AGFG1: variants seen among roughly 807,000 people sequenced by gnomAD.
The protein encoded by AGFG1 is ArfGAP with FG repeats 1.
Under a neutral mutation model 60.6 loss-of-function variants are expected in AGFG1, and 10 were observed. That is an observed-to-expected ratio of 0.16 (90% confidence interval 0.10 to 0.28). The LOEUF (loss-of-function observed/expected upper bound fraction) is 0.28, where lower values mean the gene tolerates loss of function less well. AGFG1 is among the 10% of genes least tolerant of loss of function. The pLI, the probability that AGFG1 is intolerant of heterozygous loss-of-function variation, is 1.00. For synonymous variants in AGFG1, 247 were observed against 242.9 expected (o/e 1.02, Z -0.16); for missense variants, 537 against 676.5 (o/e 0.79, Z 2.29).
intron 2 of AGFG1, among the ~76,000 whole-genome samples, chr2:227,511,540 G>C (rs1171276843): frequency 1.3e-5 from 2 of 152,172 alleles, no homozygotes; most frequent in African/African-American, 4.8e-5. Context: ...ATCCCTGGCT[G>C]TATATGACGT....
At chr2:227,539,009 A>C (rs1424487988) in intron 10 of AGFG1, among the ~76,000 whole-genome samples, 1 of 152,228 alleles carries the variant, frequency 6.6e-6, no homozygotes, top group African/African-American at 2.4e-5. Context: ...GAATTGACCA[A>C]ATCACAAGCA....
At chr2:227,544,757 C>CT (rs1238758617) in intron 10 of AGFG1, among the ~76,000 whole-genome samples, 6 of 151,968 alleles carry the variant, frequency 3.9e-5, no homozygotes, top group Non-Finnish European at 8.8e-5. Flanking sequence ...GTTGAAAATT[C>CT]TTTTTTTTAA....
At position 227,477,358 on chromosome 2, in the gene AGFG1, G is replaced by C. The variant is rs1042663772; in HGVS notation, c.167+4770G>C. 9.2e-5 allele frequency among the ~76,000 whole-genome samples: 14 copies of C among 152,256 alleles called. 1 individual carries two copies. In the South Asian group the frequency reaches 1.9e-3, roughly 20 times the overall value. Reference sequence around the variant, plus strand: ...TGCTAGCTGTGTGACAGACATTCTAGTAACAGTGATGTGAGGAAGGTACTA... The same window carrying C: ...TGCTAGCTGTGTGACAGACATTCTACTAACAGTGATGTGAGGAAGGTACTA... On this transcript the variant is annotated intron_variant, in intron 1 of 12. Transcript: ENST00000310078.
At chr2:227,492,361 G>A (rs116262552) in intron 2 of AGFG1, among the ~76,000 whole-genome samples, 7,860 of 151,962 alleles carry the variant, frequency 0.052, 266 homozygotes, top group African/African-American at 0.1. Context: ...AACCCAAGCT[G>A]ATTAATAATA....
chr2:227,534,635 T>C (rs1692256248), intron 7 of AGFG1, among the ~76,000 whole-genome samples: 1 of 152,212 alleles, frequency 6.6e-6, no homozygotes, highest in Non-Finnish European at 1.5e-5. Flanking sequence ...TTAATTTTTG[T>C]TAAGAGACAT....
chr2:227,550,495 T>C (rs972773054), intron 10 of AGFG1, among the ~76,000 whole-genome samples: 1 of 152,206 alleles, frequency 6.6e-6, no homozygotes, highest in South Asian at 2.1e-4. Context: ...TTTTAAGTGC[T>C]CTCTTAAAGT....
At chr2:227,531,033 G>C (rs142891874) in intron 5 of AGFG1, 58 bp from the exon 6 acceptor site, 1 of 1,455,288 alleles carries the variant, frequency 6.9e-7, no homozygotes, top group African/African-American at 1.4e-5. Context: ...CATGTGTCAT[G>C]TATTTTCATT....
intron 1 of AGFG1, 104 bp downstream of exon 1, chr2:227,472,692 T>TG (rs1450323138): frequency 7.8e-7 from 1 of 1,280,340 alleles, no homozygotes; most frequent in Non-Finnish European, 1.0e-6. Flanking sequence ...CCGGGTGCCG[T>TG]GGGAGGCGGT....
At position 227,555,052 on chromosome 2, in the gene AGFG1, C is replaced by T. The variant is rs566939084; in HGVS notation, c.*557C>T. On this transcript the variant is annotated 3_prime_UTR_variant, in exon 13 of 13. Transcript: ENST00000310078. ...ATTCTTTTAAAATGTAGAGGGATAC[C>T]TGTCTGCATAATAAAGCTGATCATG... is the stretch of plus-strand genomic sequence containing the variant. 4 of 152,540 alleles carry T rather than the reference C, an allele frequency of 2.6e-5. No individual in the cohort carries two copies. The highest frequency in any genetic ancestry group is 9.6e-5 in the African/African-American group (4 of 41,504). The allele number at this position is 152,540 out of a possible 1,614,324, so 9.4% of individuals were successfully genotyped here.
At chr2:227,549,336 C>T (rs1225903306) in intron 10 of AGFG1, among the ~76,000 whole-genome samples, 2 of 152,216 alleles carry the variant, frequency 1.3e-5, no homozygotes, top group East Asian at 1.9e-4. Flanking sequence ...ACACAATCTT[C>T]AGATTGTTAA....
At chr2:227,496,462 A>G (rs1050018403) in intron 2 of AGFG1, among the ~76,000 whole-genome samples, 3 of 152,110 alleles carry the variant, frequency 2.0e-5, no homozygotes, top group African/African-American at 7.2e-5. Context: ...AATAAATAAA[A>G]TAGCCTGCTG....
At chr2:227,517,335 G>A (rs1051880272) in intron 2 of AGFG1, among the ~76,000 whole-genome samples, 10 of 152,110 alleles carry the variant, frequency 6.6e-5, no homozygotes, top group East Asian at 1.9e-4. Context: ...GCGCAATCTC[G>A]GCTCACTGCA....
At chr2:227,485,739 A>C (rs1412401549) in intron 1 of AGFG1, among the ~76,000 whole-genome samples, 1 of 152,098 alleles carries the variant, frequency 6.6e-6, no homozygotes, top group Non-Finnish European at 1.5e-5. Context: ...CCACATTTAT[A>C]ATTTTTCATT....
chr2:227,539,097 GT>G lies in AGFG1; in HGVS notation c.1378+2108del, dbSNP rs376234991. ...TGCACTACGCTTAAGAATTTCCAGT[GT>G]TTTATACCATCAAAGTTAATATTAT... On this transcript the variant is annotated intron_variant, in intron 10 of 12. Coordinates refer to ENST00000310078, the MANE Select transcript of AGFG1 (RefSeq NM_004504.5). Among the ~76,000 whole-genome samples, 324 of 152,242 alleles carry G rather than the reference GT, an allele frequency of 2.1e-3. 2 individuals are homozygous for G. Among genetic ancestry groups the G allele is most frequent in the African/African-American group, 7.4e-3 (306 of 41,546 alleles).
intron 1 of AGFG1, among the ~76,000 whole-genome samples, chr2:227,489,223 GTTTTTTTTTTTTT>G (rs55762248): frequency 4.0e-5 from 3 of 74,782 alleles, no homozygotes; most frequent in Non-Finnish European, 6.9e-5. Context: ...AGTTTTGAGA[GTTTTTTTTTTTTT>G]TTTTTTTTTT....
chr2:227,525,576 C>G (rs922011085), intron 5 of AGFG1, among the ~76,000 whole-genome samples: 1 of 152,210 alleles, frequency 6.6e-6, no homozygotes, highest in African/African-American at 2.4e-5. Flanking sequence ...TCTCTTAGTT[C>G]ATAAGATTTT....
chr2:227,543,003 C>A (rs975940122), intron 10 of AGFG1, among the ~76,000 whole-genome samples: 1 of 151,962 alleles, frequency 6.6e-6, no homozygotes, highest in Non-Finnish European at 1.5e-5. Flanking sequence ...AGTGGTGATA[C>A]CCCCTTTATC....
chr2:227,487,795 A>G (rs767765991), intron 1 of AGFG1, among the ~76,000 whole-genome samples: 2 of 152,190 alleles, frequency 1.3e-5, no homozygotes, highest in Admixed American at 1.3e-4. Context: ...GCAACTCATC[A>G]CTCTGAATGC....
intron 6 of AGFG1, chr2:227,532,271 G>A: frequency 1.6e-6 from 2 of 1,258,178 alleles, no homozygotes; most frequent in South Asian, 1.4e-5. Flanking sequence ...ATACTTCAAG[G>A]GTTTTTCCAG....
Sources: gnomAD v4.1 joint callset for allele counts (sites outside exome capture counted in the v4.1 genomes callset) on GRCh38, gnomAD v4.1.1 for gene constraint, MANE v1.5 for transcripts, NCBI Gene and HGNC (gene_info 2026-07-23, HGNC 2026-07-21) for gene names.